Variants in PTPRD observed in about 807,000 individuals in gnomAD.
PTPRD encodes protein tyrosine phosphatase receptor type D, also known as receptor-type tyrosine-protein phosphatase delta.
A neutral mutation model predicts 214.5 loss-of-function variants in PTPRD; 34 were observed. The observed-to-expected ratio is 0.16, with a 90% CI of 0.12 to 0.21. The LOEUF (loss-of-function observed/expected upper bound fraction) is 0.21. Ranked by LOEUF, PTPRD falls within the 10% of genes least tolerant of loss-of-function variation. PTPRD has a pLI of 1.00. For synonymous variants in PTPRD, 1,128 were observed against 845.7 expected (o/e 1.33, Z -5.79); for missense variants, 2,545 against 2,398.7 (o/e 1.06, Z -1.27).
chr9:8,469,541 T>C (rs551107075), intron 31 of PTPRD, among the ~76,000 whole-genome samples: 2 of 152,186 alleles, frequency 1.3e-5, no homozygotes, highest in African/African-American at 4.8e-5. Context: ...GATTAGTCAG[T>C]TGCAAGTAAA....
chr9:9,212,732 G>C (rs1245446020), intron 9 of PTPRD, among the ~76,000 whole-genome samples: 2 of 152,108 alleles, frequency 1.3e-5, no homozygotes, highest in Non-Finnish European at 2.9e-5. Context: ...ATACAGATAT[G>C]GGTTATTGGA....
chr9:8,806,815 T>C (rs2096692916), intron 11 of PTPRD, among the ~76,000 whole-genome samples: 1 of 152,190 alleles, frequency 6.6e-6, no homozygotes, highest in Non-Finnish European at 1.5e-5. Context: ...CCAAATTAAG[T>C]ACTCAAACAC....
chr9:8,962,292 G>T (rs2099162628), intron 11 of PTPRD: 1 of 152,060 alleles, frequency 6.6e-6, no homozygotes, highest in Non-Finnish European at 1.5e-5. Context: ...TTGATGAGGT[G>T]GTCAGTCTAG....
chr9:8,609,232 T>C lies in PTPRD; in HGVS notation c.352+24085A>G, dbSNP rs773750938. On this transcript the variant is annotated intron_variant, in intron 14 of 45. Coordinates refer to ENST00000381196, the MANE Select transcript of PTPRD (RefSeq NM_002839.4). Reference sequence around the variant, plus strand: ...CATATTAACTTTATCATTTCACATATGCTTGGCTGCATCCCAGGACTTGAG... The same window carrying C: ...CATATTAACTTTATCATTTCACATACGCTTGGCTGCATCCCAGGACTTGAG... Among the ~76,000 whole-genome samples the C allele has an allele frequency of 3.9e-5, 6 of 152,218 alleles. No homozygotes were observed. The East Asian group carries it at 7.7e-4, about 20-fold the overall frequency.
At chr9:9,710,171 T>C (rs2097698803) in intron 7 of PTPRD, among the ~76,000 whole-genome samples, 1 of 152,164 alleles carries the variant, frequency 6.6e-6, no homozygotes, top group African/African-American at 2.4e-5. Flanking sequence ...TTAGTATCAT[T>C]TGTTACAAAA....
chr9:9,546,640 A>G (rs531120472), intron 8 of PTPRD, among the ~76,000 whole-genome samples: 1 of 151,996 alleles, frequency 6.6e-6, no homozygotes, highest in Admixed American at 6.6e-5. Flanking sequence ...AGTAATGCAC[A>G]AATTTAAAAG....
At chr9:9,790,946 T>C (rs1477834737) in intron 5 of PTPRD, among the ~76,000 whole-genome samples, 3 of 152,186 alleles carry the variant, frequency 2.0e-5, no homozygotes, top group African/African-American at 7.2e-5. Flanking sequence ...ACAGGTCCTA[T>C]GGCATCTTGG....
chr9:9,475,531 TC>T (rs2094959974), intron 8 of PTPRD, among the ~76,000 whole-genome samples: 2 of 152,192 alleles, frequency 1.3e-5, no homozygotes, highest in African/African-American at 4.8e-5. Context: ...ATGTCACTGA[TC>T]CATGGATCAA....
chr9:9,059,805 C>A (rs2099703772), intron 10 of PTPRD, among the ~76,000 whole-genome samples: 2 of 151,688 alleles, frequency 1.3e-5, no homozygotes, highest in Admixed American at 1.3e-4. Context: ...TAGCAAATAA[C>A]TTACAGCAAA....
intron 3 of PTPRD, among the ~76,000 whole-genome samples, chr9:10,132,148 G>C (rs115036012): frequency 1.3e-5 from 2 of 151,898 alleles, no homozygotes; most frequent in African/African-American, 2.4e-5. Context: ...TTAAGACATT[G>C]GGTAATTTGT....
chr9:10,422,849 T>C (rs570478272), intron 2 of PTPRD, among the ~76,000 whole-genome samples: 123 of 152,222 alleles, frequency 8.1e-4, no homozygotes, highest in African/African-American at 2.9e-3. Flanking sequence ...GCTTTTACAC[T>C]GTTGGTGGGA....
chr9:9,268,153 A>G (rs1376470500), intron 9 of PTPRD, among the ~76,000 whole-genome samples: 1 of 151,254 alleles, frequency 6.6e-6, no homozygotes, highest in Non-Finnish European at 1.5e-5. Context: ...TGTTACTAAT[A>G]AATTCAGTGA....
intron 9 of PTPRD, among the ~76,000 whole-genome samples, chr9:9,338,238 A>G (rs964871967): frequency 1.3e-5 from 2 of 152,234 alleles, no homozygotes; most frequent in African/African-American, 4.8e-5. Flanking sequence ...CATATTTAGA[A>G]GACAAGGTTT....
intron 2 of PTPRD, among the ~76,000 whole-genome samples, chr9:10,583,948 C>T (rs1002310795): frequency 3.9e-5 from 6 of 152,124 alleles, no homozygotes; most frequent in African/African-American, 1.4e-4. Context: ...TTTCTTCCCA[C>T]TGAAAACATG....
At chr9:9,725,655 T>C (rs774323713) in intron 7 of PTPRD, among the ~76,000 whole-genome samples, 3 of 152,226 alleles carry the variant, frequency 2.0e-5, no homozygotes, top group East Asian at 1.9e-4. Flanking sequence ...ACATTATTTG[T>C]AATTATTCAA....
chr9:8,859,318 C>T (rs143629726), intron 11 of PTPRD, among the ~76,000 whole-genome samples: 6 of 152,322 alleles, frequency 3.9e-5, no homozygotes, highest in Non-Finnish European at 7.3e-5. Flanking sequence ...ATCCACACAA[C>T]CCAAGGTGAC....
intron 11 of PTPRD, among the ~76,000 whole-genome samples, chr9:8,947,584 C>A (rs138305735): frequency 2.0e-5 from 3 of 151,676 alleles, no homozygotes; most frequent in South Asian, 2.1e-4. Context: ...GTTTCAAGGA[C>A]ATTCACTCTG....
intron 2 of PTPRD, among the ~76,000 whole-genome samples, chr9:10,421,584 G>T (rs1215573354): frequency 6.6e-6 from 1 of 151,650 alleles, no homozygotes; most frequent in East Asian, 2.0e-4. Flanking sequence ...TTATGAACGT[G>T]GTCCAGTTTA....
intron 7 of PTPRD, among the ~76,000 whole-genome samples, chr9:9,681,473 T>C (rs1277240852): frequency 6.6e-6 from 1 of 151,672 alleles, no homozygotes; most frequent in African/African-American, 2.4e-5. Context: ...TCAAAACAAA[T>C]GTTATATAAA....
Sources: allele counts gnomAD v4.1 joint callset (sites outside exome capture counted in the v4.1 genomes callset), GRCh38; gene constraint gnomAD v4.1.1; transcripts MANE v1.5; gene names NCBI Gene and HGNC (gene_info 2026-07-23, HGNC 2026-07-21).